Variants in CDK8 observed in about 807,000 individuals in gnomAD.
CDK8 encodes cyclin dependent kinase 8.
CDK8 carries 29 observed loss-of-function variants against 71.5 expected under a neutral mutation model. That is an observed-to-expected ratio of 0.41 (90% confidence interval 0.30 to 0.55). The LOEUF (loss-of-function observed/expected upper bound fraction) is 0.55. CDK8 is among the 20% of genes least tolerant of loss of function. CDK8 has a pLI of 0.37. For synonymous variants in CDK8, 161 were observed against 192.1 expected (o/e 0.84, Z 1.34); for missense variants, 288 against 572.6 (o/e 0.50, Z 5.07).
In CDK8 at chr13:26,400,509, G is replaced by C; in HGVS notation, c.990G>C (p.Met330Ile). 6.2e-7 allele frequency: 1 copy of C among 1,613,362 alleles called. No homozygotes were observed. The change falls in exon 10 of 13, where the codon ATG becomes ATC. Residue 330 changes from methionine (M) to isoleucine (I), a missense_variant. This residue lies in a region of CDK8 where 96 missense variants were observed against 229.8 expected (regional missense o/e 0.42). Coordinates refer to ENST00000381527, the MANE Select transcript of CDK8 (RefSeq NM_001260.3). ...AGCGAATTACCTCAGAACAGGCTAT[G>C]CAGGACCCCTATTTCTTAGAAGACC... is the stretch of plus-strand genomic sequence containing the variant. Reference protein sequence around the residue: ...PIKRITSEQAMQDPYFLEDPL... With the variant: ...PIKRITSEQAIQDPYFLEDPL...
At chr13:26,323,770 G>C (rs1162977986) in intron 1 of CDK8, among the ~76,000 whole-genome samples, 1 of 152,078 alleles carries the variant, frequency 6.6e-6, no homozygotes, top group Admixed American at 6.6e-5. Flanking sequence ...TGCACGTTCA[G>C]CTTGTGACTT....
At chr13:26,323,162 A>G (rs1227490054) in intron 1 of CDK8, among the ~76,000 whole-genome samples, 1 of 152,106 alleles carries the variant, frequency 6.6e-6, no homozygotes, top group Non-Finnish European at 1.5e-5. Flanking sequence ...ATCTACATAG[A>G]GTGGGTGGCT....
At chr13:26,389,757 G>A (rs1177664553) in intron 6 of CDK8, among the ~76,000 whole-genome samples, 2 of 152,032 alleles carry the variant, frequency 1.3e-5, no homozygotes, top group Admixed American at 1.3e-4. Flanking sequence ...CAGCACTTTG[G>A]GAGGCCAAGG....
At chr13:26,350,681 C>T (rs1799862188) in intron 3 of CDK8, among the ~76,000 whole-genome samples, 1 of 152,136 alleles carries the variant, frequency 6.6e-6, no homozygotes, top group South Asian at 2.1e-4. Flanking sequence ...GATCTGCCCA[C>T]CTCGGCCTCC....
At chr13:26,302,282 A>G (rs558346870) in intron 1 of CDK8, among the ~76,000 whole-genome samples, 47 of 152,366 alleles carry the variant, frequency 3.1e-4, no homozygotes, top group African/African-American at 1.1e-3. Flanking sequence ...TCCAAAACTT[A>G]TAACATCTAT....
At chr13:26,377,644 T>G (rs1037084333) in intron 4 of CDK8, among the ~76,000 whole-genome samples, 9 of 152,176 alleles carry the variant, frequency 5.9e-5, no homozygotes, top group Admixed American at 5.2e-4. Context: ...AACTTCAGTA[T>G]TAGAGGTAAA....
At chr13:26,333,088 T>A (rs1046430888) in intron 1 of CDK8, among the ~76,000 whole-genome samples, 1 of 152,160 alleles carries the variant, frequency 6.6e-6, no homozygotes, top group African/African-American at 2.4e-5. Context: ...GTGATGCTAC[T>A]GTGCTGCTTA....
At chr13:26,389,280 C>T (rs1412697327) in intron 6 of CDK8, among the ~76,000 whole-genome samples, 1 of 152,128 alleles carries the variant, frequency 6.6e-6, no homozygotes, top group Non-Finnish European at 1.5e-5. Flanking sequence ...CTGCTTCAGC[C>T]TCCCGAGTAG....
chr13:26,386,166 A>G (rs527644652), intron 6 of CDK8, among the ~76,000 whole-genome samples: 1 of 152,308 alleles, frequency 6.6e-6, no homozygotes, highest in East Asian at 1.9e-4. Context: ...TCAATCTATA[A>G]GCAGAATTAG....
chr13:26,307,279 G>A (rs867349030), intron 1 of CDK8, among the ~76,000 whole-genome samples: 1 of 152,160 alleles, frequency 6.6e-6, no homozygotes, highest in Non-Finnish European at 1.5e-5. Context: ...TCTGGATTAT[G>A]TAGATTGGCT....
intron 1 of CDK8, among the ~76,000 whole-genome samples, chr13:26,291,177 A>G (rs1344372165): frequency 2.0e-5 from 3 of 152,062 alleles, no homozygotes; most frequent in Non-Finnish European, 2.9e-5. Context: ...ACAGTTGTGT[A>G]TAGTGTTCAG....
At chr13:26,279,262 A>C (rs1028226665) in intron 1 of CDK8, among the ~76,000 whole-genome samples, 2 of 152,358 alleles carry the variant, frequency 1.3e-5, no homozygotes, top group East Asian at 3.9e-4. Context: ...GGCAAAAATC[A>C]TTGATGGTGA....
chr13:26,299,310 C>G (rs2137913468), intron 1 of CDK8, among the ~76,000 whole-genome samples: 1 of 152,198 alleles, frequency 6.6e-6, no homozygotes. Flanking sequence ...GGAGATATAG[C>G]CTGAGAAATG....
At chr13:26,395,178 C>T (rs1156280341) in intron 7 of CDK8, among the ~76,000 whole-genome samples, 3 of 152,134 alleles carry the variant, frequency 2.0e-5, no homozygotes, top group East Asian at 1.9e-4. Context: ...AAAAGCAAGC[C>T]TCTAAAGGCC....
intron 1 of CDK8, among the ~76,000 whole-genome samples, chr13:26,326,280 C>A (rs1488275221): frequency 6.6e-6 from 1 of 152,158 alleles, no homozygotes; most frequent in Non-Finnish European, 1.5e-5. Flanking sequence ...GGTTTGATTG[C>A]ATATTTTAGT....
chr13:26,351,611 T>C (rs1873683337), intron 3 of CDK8, among the ~76,000 whole-genome samples: 2 of 152,212 alleles, frequency 1.3e-5, no homozygotes, highest in South Asian at 4.1e-4. Flanking sequence ...ATATTTAATT[T>C]TACATGTAGG....
At chr13:26,384,821 T>C (rs183720926) in intron 5 of CDK8, among the ~76,000 whole-genome samples, 1 of 152,332 alleles carries the variant, frequency 6.6e-6, no homozygotes, top group East Asian at 1.9e-4. Flanking sequence ...GGCTTGTTGA[T>C]GGAAATAATG....
intron 4 of CDK8, among the ~76,000 whole-genome samples, chr13:26,379,577 G>A (rs1478957322): frequency 6.6e-6 from 1 of 152,140 alleles, no homozygotes; most frequent in Non-Finnish European, 1.5e-5. Flanking sequence ...CCCAGCTGCT[G>A]AATGAGTAAG....
Position 26,278,315 on chromosome 13 carries a change from A to G in CDK8, c.128+23546A>G, listed in dbSNP as rs7325173. Among the ~76,000 whole-genome samples the G allele has an allele frequency of 6.7e-3, 1,022 of 152,360 alleles. 16 individuals carry two copies. The highest frequency in any genetic ancestry group is 0.023 in the African/African-American group (940 of 41,596). ...TTTTGCCTTTAAAAGTTGATGAACC[A>G]TAGCCTCATTTTACATTTTTAAAAT... is the stretch of plus-strand genomic sequence containing the variant. On this transcript the variant is annotated intron_variant, in intron 1 of 12. Coordinates refer to ENST00000381527, the MANE Select transcript of CDK8 (RefSeq NM_001260.3).
Sources: allele counts gnomAD v4.1 joint callset (sites outside exome capture counted in the v4.1 genomes callset), GRCh38; gene constraint gnomAD v4.1.1; regional missense constraint gnomAD v4.1.1; transcripts MANE v1.5; gene names NCBI Gene and HGNC (gene_info 2026-07-23, HGNC 2026-07-21).